CAMKMT: variants seen among roughly 807,000 people sequenced by gnomAD.
CAMKMT encodes the protein CaM KMT.
In CAMKMT, 53 loss-of-function variants were observed where a neutral mutation model predicts 48.0. The observed-to-expected ratio is 1.10, with a 90% CI of 0.89 to 1.39. The LOEUF is 1.39. Ranked by LOEUF, CAMKMT falls within the 40% of genes most tolerant of loss-of-function variation. The pLI is 0.00. For synonymous variants in CAMKMT, 165 were observed against 152.3 expected (o/e 1.08, Z -0.61); for missense variants, 428 against 402.7 (o/e 1.06, Z -0.54).
In CAMKMT at chr2:44,772,454, T is replaced by TC. The variant is rs1311167434; in HGVS notation, c.*344dup. ...ACAGAATTTCTTTTGATGATACCCA[T>TC]CCCTCCTTCATTTTTTTTTTTTTTT... On this transcript the variant is annotated 3_prime_UTR_variant, in exon 11 of 11. Coordinates refer to ENST00000378494, the MANE Select transcript of CAMKMT (RefSeq NM_024766.5). 21 of 197,860 alleles carry TC rather than the reference T, an allele frequency of 1.1e-4. No homozygotes were observed. Among genetic ancestry groups the TC allele is most frequent in the African/African-American group, 4.7e-4 (20 of 42,846 alleles). The allele number at this position is 197,860 out of a possible 1,614,324, so 12.3% of individuals were successfully genotyped here.
At chr2:44,652,375 G>T (rs1372673314) in intron 3 of CAMKMT, among the ~76,000 whole-genome samples, 1 of 152,172 alleles carries the variant, frequency 6.6e-6, no homozygotes, top group African/African-American at 2.4e-5. Flanking sequence ...TCCTGGTGGG[G>T]CACCCCTAGC....
At chr2:44,673,864 A>G (rs563124830) in intron 3 of CAMKMT, among the ~76,000 whole-genome samples, 1 of 152,318 alleles carries the variant, frequency 6.6e-6, no homozygotes, top group African/African-American at 2.4e-5. Flanking sequence ...GGTGGGAACA[A>G]ACAGCCGAGC....
At chr2:44,469,541 T>C (rs888374381) in intron 3 of CAMKMT, among the ~76,000 whole-genome samples, 1 of 152,124 alleles carries the variant, frequency 6.6e-6, no homozygotes, top group Non-Finnish European at 1.5e-5. Flanking sequence ...TCCTCTTACA[T>C]GTATGTTAAA....
rs11323950 is a variant in CAMKMT at position 44,722,176 on chromosome 2, CTTTTTTTTT to C, written c.623+6832_623+6840del. Among the ~76,000 whole-genome samples, 619 of 115,484 alleles carry C rather than the reference CTTTTTTTTT, an allele frequency of 5.4e-3. 5 individuals are homozygous for C. The highest frequency in any genetic ancestry group is 0.019 in the African/African-American group (584 of 30,894). The allele number at this position is 115,484 out of a possible 152,430, so 75.8% of individuals were successfully genotyped here. A position where few individuals can be genotyped will look rare whatever the true frequency, so the allele number is the denominator to read the frequency against. ...TTGAGATGTTTCCTTTTTCTTTTTT[CTTTTTTTTT>C]TTTTTTTTCTATTCTGGATAATGCT... On this transcript the variant is annotated intron_variant, in intron 7 of 10. Transcript: ENST00000378494.
At chr2:44,363,646 C>T (rs1381562278) in intron 1 of CAMKMT, among the ~76,000 whole-genome samples, 1 of 150,526 alleles carries the variant, frequency 6.6e-6, no homozygotes, top group Non-Finnish European at 1.5e-5. Flanking sequence ...TCCCAAAGTA[C>T]TGGGATTACA....
intron 3 of CAMKMT, among the ~76,000 whole-genome samples, chr2:44,645,190 A>G (rs1370971694): frequency 2.0e-5 from 3 of 152,254 alleles, no homozygotes; most frequent in African/African-American, 7.2e-5. Context: ...GGCCAGGGGT[A>G]AAAGCAGAAG....
In CAMKMT at chr2:44,645,942, C is replaced by G. The variant is rs80079340; in HGVS notation, c.377-58341C>G. 2.6e-3 allele frequency among the ~76,000 whole-genome samples: 391 copies of G among 152,332 alleles called. 1 individual carries two copies. The highest frequency in any genetic ancestry group is 8.9e-3 in the African/African-American group (368 of 41,578). On this transcript the variant is annotated intron_variant, in intron 3 of 10. Transcript: ENST00000378494. ...GGGCCAGAAAAAGAAATTATCTTTG[C>G]TCAGTGTTGAACTATTCTGTTATAA...
At chr2:44,383,070 T>G (rs1680415442) in intron 2 of CAMKMT, among the ~76,000 whole-genome samples, 1 of 152,080 alleles carries the variant, frequency 6.6e-6, no homozygotes, top group Admixed American at 6.5e-5. Context: ...TCACACTGCC[T>G]TTTCGGAGGC....
At chr2:44,768,361 A>ATATATATATATATATATATATTTTT (rs35058824) in intron 10 of CAMKMT, among the ~76,000 whole-genome samples, 2 of 115,744 alleles carry the variant, frequency 1.7e-5, no homozygotes, top group African/African-American at 7.4e-5. Flanking sequence ...ATATATATAT[A>ATATATATATATATATATATATTTTT]TTTTTTTTTT....
chr2:44,565,331 G>A (rs1443616694), intron 3 of CAMKMT, among the ~76,000 whole-genome samples: 1 of 152,190 alleles, frequency 6.6e-6, no homozygotes, highest in Non-Finnish European at 1.5e-5. Flanking sequence ...CTGAATTGCA[G>A]CAAGAAGATG....
chr2:44,591,776 C>T (rs1487192919), intron 3 of CAMKMT, among the ~76,000 whole-genome samples: 4 of 151,844 alleles, frequency 2.6e-5, no homozygotes, highest in South Asian at 2.1e-4. Flanking sequence ...ATGTTTATTG[C>T]GGCACTATTC....
chr2:44,743,737 T>C (rs776096234), intron 8 of CAMKMT, 41 bp downstream of exon 8: 3 of 1,528,276 alleles, frequency 2.0e-6, no homozygotes, highest in Non-Finnish European at 9.0e-7. Context: ...TAGAAAAAAA[T>C]AGCTTTGCTG....
chr2:44,411,540 A>T (rs1403776312), intron 3 of CAMKMT, among the ~76,000 whole-genome samples: 1 of 152,332 alleles, frequency 6.6e-6, no homozygotes, highest in South Asian at 2.1e-4. Context: ...AGAGATTTTA[A>T]TAGTCTGTCG....
chr2:44,623,798 C>T lies in CAMKMT; in HGVS notation c.377-80485C>T, dbSNP rs184626535. On this transcript the variant is annotated intron_variant, in intron 3 of 10. Transcript: ENST00000378494. ...AAATTCCCACATGTCCCTTTTCAGG[C>T]AATCCCCTACTCCACCACCAGGAAG... Among the ~76,000 whole-genome samples the T allele has an allele frequency of 1.4e-3, 209 of 152,282 alleles. 1 individual carries two copies. The highest frequency in any genetic ancestry group is 4.9e-3 in the African/African-American group (205 of 41,564).
intron 3 of CAMKMT, among the ~76,000 whole-genome samples, chr2:44,673,115 T>G (rs946368923): frequency 2.6e-5 from 4 of 151,944 alleles, no homozygotes; most frequent in African/African-American, 7.3e-5. Context: ...GGAAGAAACT[T>G]TGGGGCAATG....
rs1035611548 is a variant in CAMKMT, at chr2:44,465,249, C to T, written c.376+74944C>T. Among the ~76,000 whole-genome samples the T allele has an allele frequency of 1.1e-4, 16 of 151,944 alleles. No individual in the cohort carries two copies. In the East Asian group the frequency reaches 1.9e-3, roughly 18 times the overall value. Reference sequence around the variant, plus strand: ...CTCATAGTAACCACAAAGAAAATACCTACAGAAGCTGCACAAAAAAAATGA... The same window carrying T: ...CTCATAGTAACCACAAAGAAAATACTTACAGAAGCTGCACAAAAAAAATGA... On this transcript the variant is annotated intron_variant, in intron 3 of 10. Transcript: ENST00000378494.
intron 2 of CAMKMT, among the ~76,000 whole-genome samples, chr2:44,380,629 A>T (rs1680143704): frequency 6.6e-6 from 1 of 152,226 alleles, no homozygotes; most frequent in Admixed American, 6.5e-5. Context: ...TCTTTGTCAT[A>T]CTATATTGAT....
chr2:44,700,765 C>T (rs971980307), intron 3 of CAMKMT, among the ~76,000 whole-genome samples: 10 of 151,926 alleles, frequency 6.6e-5, no homozygotes, highest in African/African-American at 2.4e-4. Flanking sequence ...TGAGAATGAC[C>T]AAAATCTGTC....
chr2:44,721,336 T>C (rs990167168), intron 7 of CAMKMT, among the ~76,000 whole-genome samples: 4 of 152,184 alleles, frequency 2.6e-5, no homozygotes, highest in African/African-American at 9.6e-5. Context: ...TATGGAACTT[T>C]AGCAGATATC....
Sources: gnomAD v4.1 joint callset for allele counts (sites outside exome capture counted in the v4.1 genomes callset) on GRCh38, gnomAD v4.1.1 for gene constraint, MANE v1.5 for transcripts, NCBI Gene and HGNC (gene_info 2026-07-23, HGNC 2026-07-21) for gene names.